CNKSR2: variants seen among roughly 807,000 people sequenced by gnomAD.
CNKSR2 encodes connector enhancer of kinase suppressor of Ras 2.
CNKSR2 carries 14 observed loss-of-function variants against 84.4 expected under a neutral mutation model. The ratio of observed to expected loss-of-function variants is 0.17; its 90% confidence interval spans 0.11 to 0.26. The LOEUF is 0.26. Among genes scored for constraint, CNKSR2 ranks in the 10% least tolerant of loss-of-function variants. The probability of loss-of-function intolerance (pLI) is 1.00; values close to 1 mark genes in which losing one functional copy is unlikely to be tolerated. For synonymous variants in CNKSR2, 275 were observed against 277.9 expected (o/e 0.99, Z 0.10); for missense variants, 485 against 771.2 (o/e 0.63, Z 4.40).
At chrX:21,609,673 A>G (rs1302808335) in intron 20 of CNKSR2, 56 bp downstream of exon 20, 22 of 1,101,597 alleles carry the variant, frequency 2.0e-5, no homozygotes, top group Non-Finnish European at 2.6e-5. Context: ...GACCTTTTCA[A>G]ACTTCTTATT....
intron 5 of CNKSR2, 54 bp from the exon 6 acceptor site, chrX:21,490,405 T>A (rs1383749702): frequency 8.9e-7 from 1 of 1,122,985 alleles, no homozygotes; most frequent in Non-Finnish European, 1.2e-6. Flanking sequence ...AGGTGATTTA[T>A]ATGTTACTTA....
intron 13 of CNKSR2, among the ~76,000 whole-genome samples, chrX:21,577,708 C>T (rs970052420): frequency 3.6e-5 from 4 of 110,466 alleles, no homozygotes; most frequent in African/African-American, 1.3e-4. Context: ...TTTAATAAAA[C>T]TGTAGGTAGA....
chrX:21,411,083 C>A (rs1159215542), intron 1 of CNKSR2, among the ~76,000 whole-genome samples: 1 of 111,093 alleles, frequency 9.0e-6, no homozygotes, highest in Non-Finnish European at 1.9e-5. Flanking sequence ...ATGCATATGT[C>A]TGAATTAATA....
intron 20 of CNKSR2, among the ~76,000 whole-genome samples, chrX:21,622,808 A>T (rs935402844): frequency 9.0e-6 from 1 of 111,689 alleles, no homozygotes; most frequent in African/African-American, 3.2e-5. Flanking sequence ...TAGTATATTG[A>T]TGGCTTGACC....
chrX:21,497,775 T>C lies in CNKSR2; in HGVS notation c.682-12T>C, dbSNP rs996753964. 2.5e-6 allele frequency: 2 copies of C among 806,440 alleles called. No individual in the cohort carries two copies. The highest frequency in any genetic ancestry group is 4.0e-5 in the African/African-American group (2 of 49,454). 66.5% of individuals were successfully genotyped at this position (806,440 alleles called of 1,213,427 possible). A position where few individuals can be genotyped will look rare whatever the true frequency, so the allele number is the denominator to read the frequency against. ...TGCTTCACTTTCTTTTCTGATGCTG[T>C]CTTTTTCTTAGGGTATGTATATTAA... On this transcript the variant is annotated splice_polypyrimidine_tract_variant and intron_variant, in intron 6 of 21. Transcript: ENST00000379510.
At chrX:21,589,165 T>C (rs1428363304) in intron 13 of CNKSR2, among the ~76,000 whole-genome samples, 1 of 112,514 alleles carries the variant, frequency 8.9e-6, no homozygotes, top group Non-Finnish European at 1.9e-5. Flanking sequence ...TACATACATA[T>C]TTATAATGCT....
At chrX:21,615,439 G>A (rs1328153301) in intron 20 of CNKSR2, among the ~76,000 whole-genome samples, 2 of 111,340 alleles carry the variant, frequency 1.8e-5, no homozygotes, top group African/African-American at 6.5e-5. Context: ...TCCTTGCTTT[G>A]TCACTGTCCC....
At chrX:21,473,745 G>GTTTTTTTTTTTTTGTTTTTT (rs2091226394) in intron 5 of CNKSR2, among the ~76,000 whole-genome samples, 5 of 67,231 alleles carry the variant, frequency 7.4e-5, no homozygotes, top group African/African-American at 5.2e-4. Flanking sequence ...TGTTGGTTTG[G>GTTTTTTTTTTTTTGTTTTTT]TTTTTTTTTT....
At chrX:21,511,082 A>C (rs757837702) in intron 8 of CNKSR2, among the ~76,000 whole-genome samples, 1 of 111,804 alleles carries the variant, frequency 8.9e-6, no homozygotes, top group South Asian at 3.7e-4. Context: ...CACCTTCATA[A>C]CAGTGTTTAT....
intron 4 of CNKSR2, among the ~76,000 whole-genome samples, chrX:21,452,363 AT>A (rs1218096783): frequency 2.7e-5 from 3 of 111,728 alleles, no homozygotes; most frequent in African/African-American, 9.7e-5. Context: ...AAGTAGTGGG[AT>A]TACAGGCATG....
At chrX:21,398,918 A>G (rs1233292073) in intron 1 of CNKSR2, among the ~76,000 whole-genome samples, 3 of 110,647 alleles carry the variant, frequency 2.7e-5, no homozygotes, top group African/African-American at 9.8e-5. Flanking sequence ...CTTGTATAGT[A>G]AAGAACTTAA....
intron 20 of CNKSR2, among the ~76,000 whole-genome samples, chrX:21,637,108 G>GT (rs1232664588): frequency 1.8e-5 from 2 of 111,868 alleles, no homozygotes; most frequent in Non-Finnish European, 3.8e-5. Flanking sequence ...ATTTCAGAAA[G>GT]TTGTTTTTAA....
intron 8 of CNKSR2, chrX:21,503,435 T>A (rs1036328932): frequency 7.2e-6 from 2 of 279,388 alleles, no homozygotes; most frequent in Non-Finnish European, 1.3e-5. Flanking sequence ...ATGTTAAGTA[T>A]TTTACATATT....
intron 20 of CNKSR2, chrX:21,641,567 A>AT (rs1477402785): frequency 2.6e-6 from 3 of 1,173,006 alleles, no homozygotes; most frequent in Non-Finnish European, 3.4e-6. Context: ...GAACCTCTCC[A>AT]TGCCAAATCG....
At chrX:21,390,272 A>T (rs1180045617) in intron 1 of CNKSR2, among the ~76,000 whole-genome samples, 1 of 111,560 alleles carries the variant, frequency 9.0e-6, no homozygotes, top group Non-Finnish European at 1.9e-5. Context: ...CTTAGGGCAG[A>T]TATTTAGTTA....
chrX:21,612,215 C>T (rs927849534), intron 20 of CNKSR2, among the ~76,000 whole-genome samples: 1 of 112,168 alleles, frequency 8.9e-6, no homozygotes, highest in African/African-American at 3.2e-5. Context: ...GGAGTAAGTA[C>T]TCAGGCTGCT....
chrX:21,604,903 A>C (rs181302324), intron 18 of CNKSR2, among the ~76,000 whole-genome samples: 10 of 111,921 alleles, frequency 8.9e-5, no homozygotes, highest in African/African-American at 3.2e-4. Context: ...CTTTATGTCT[A>C]AGAAGAAGAA....
At chrX:21,416,989 T>G (rs2090431302) in intron 1 of CNKSR2, among the ~76,000 whole-genome samples, 2 of 111,717 alleles carry the variant, frequency 1.8e-5, no homozygotes, top group Non-Finnish European at 3.8e-5. Flanking sequence ...TTTCTAGCTC[T>G]TTAAGATGCA....
At chrX:21,382,369 ATTAC>A (rs1400683749) in intron 1 of CNKSR2, among the ~76,000 whole-genome samples, 1 of 111,870 alleles carries the variant, frequency 8.9e-6, no homozygotes, top group African/African-American at 3.2e-5. Context: ...TAGTATAAAT[ATTAC>A]TTACTAATAT....
Sources: gnomAD v4.1 joint callset for allele counts (sites outside exome capture counted in the v4.1 genomes callset) on GRCh38, gnomAD v4.1.1 for gene constraint, MANE v1.5 for transcripts, NCBI Gene and HGNC (gene_info 2026-07-23, HGNC 2026-07-21) for gene names.